The following DEAF1 variants were observed in gnomAD, a reference collection of about 807,000 sequenced individuals.
The protein encoded by DEAF1 is DEAF1 transcription factor.
A neutral mutation model predicts 58.9 loss-of-function variants in DEAF1; 53 were observed. The ratio of observed to expected loss-of-function variants is 0.90; its 90% confidence interval spans 0.72 to 1.13. The LOEUF is 1.13. Ranked by LOEUF, DEAF1 falls within the 50% of genes most tolerant of loss-of-function variation. The pLI, the probability that DEAF1 is intolerant of heterozygous loss-of-function variation, is 0.00. For synonymous variants in DEAF1, 385 were observed against 340.4 expected (o/e 1.13, Z -1.44); for missense variants, 685 against 791.4 (o/e 0.87, Z 1.61).
chr11:682,435 T>A (rs548047997), intron 6 of DEAF1, among the ~76,000 whole-genome samples: 9 of 152,338 alleles, frequency 5.9e-5, no homozygotes, highest in African/African-American at 2.2e-4. Flanking sequence ...ACTGCTGGCC[T>A]CCTCTTAACT....
rs571263392 is a variant in DEAF1, at chr11:647,123, A to C, written c.1594-2469T>G. Among the ~76,000 whole-genome samples, 14 of 152,282 alleles carry C rather than the reference A, an allele frequency of 9.2e-5. No homozygotes were observed. In the South Asian group the frequency reaches 2.9e-3, roughly 32 times the overall value. ...TAGTGAGCCGTGATGGCACCACTGG[A>C]CTGCAGCCTGGGTGACAAAGCGAGA... On this transcript the variant is annotated intron_variant, in intron 11 of 11. Coordinates refer to ENST00000382409, the MANE Select transcript of DEAF1 (RefSeq NM_021008.4).
chr11:704,159 C>G, intron 1 of DEAF1: 1 of 1,100,290 alleles, frequency 9.1e-7, no homozygotes, highest in South Asian at 2.0e-5. Flanking sequence ...CTCCCCCACC[C>G]CATCTCCAGT....
chr11:671,075 C>T (rs1211097663), intron 10 of DEAF1, among the ~76,000 whole-genome samples: 1 of 151,366 alleles, frequency 6.6e-6, no homozygotes, highest in Non-Finnish European at 1.5e-5. Flanking sequence ...ACTACAGGCG[C>T]CCGCCACCAC....
At chr11:698,764 A>T (rs1003071114), upstream of DEAF1, 1 of 1,363,318 alleles carries the variant, frequency 7.3e-7, no homozygotes, top group African/African-American at 1.4e-5. Flanking sequence ...CAAATACGAG[A>T]TCAAAGGAAA....
intron 1 of DEAF1, chr11:704,410 C>T: frequency 7.9e-7 from 1 of 1,271,572 alleles, no homozygotes; most frequent in Non-Finnish European, 1.0e-6. Flanking sequence ...TTGTCCTGGG[C>T]CGACTTCCTT....
chr11:652,913 G>A (rs1858844953), intron 11 of DEAF1, among the ~76,000 whole-genome samples: 2 of 151,276 alleles, frequency 1.3e-5, no homozygotes, highest in South Asian at 4.2e-4. Context: ...GTGAGACCCC[G>A]TCTCTACTAA....
At chr11:695,385 C>T (rs977577461), upstream of DEAF1, 66 of 418,858 alleles carry the variant, frequency 1.6e-4, no homozygotes, top group East Asian at 2.3e-3. Context: ...CGAGGGCTTC[C>T]GAGAGACTCG....
intron 9 of DEAF1, among the ~76,000 whole-genome samples, chr11:677,770 T>C (rs28703084): frequency 0.17 from 9,426 of 55,078 alleles, 2,921 homozygotes; most frequent in East Asian, 0.49. Context: ...CTGACCAGCA[T>C]GGTGAAACCC....
chr11:649,213 T>C (rs1206726877), intron 11 of DEAF1, among the ~76,000 whole-genome samples: 4 of 152,020 alleles, frequency 2.6e-5, no homozygotes, highest in Non-Finnish European at 5.9e-5. Flanking sequence ...ATTGCGCCAC[T>C]GCACTCTAGC....
At chr11:704,561 C>A (rs777490962) in intron 1 of DEAF1, 1 of 1,289,310 alleles carries the variant, frequency 7.8e-7, no homozygotes, top group South Asian at 1.2e-5. Context: ...GGCACACCTG[C>A]CATCTGGAGG....
Position 681,094 on chromosome 11 carries a change from G to T in DEAF1, c.871-5C>A. Reference sequence around the variant, plus strand: ...AAAAAGCCTGACTGGGCCACTCTGGGGGAGAAAGGAGAGAGGCCACCACCT... The same window carrying T: ...AAAAAGCCTGACTGGGCCACTCTGGTGGAGAAAGGAGAGAGGCCACCACCT... On this transcript the variant is annotated splice_polypyrimidine_tract_variant and splice_region_variant and intron_variant, in intron 6 of 11. Transcript: ENST00000382409. 6.2e-7 allele frequency: 1 copy of T among 1,613,950 alleles called. No individual in the cohort carries two copies. Among genetic ancestry groups the T allele is most frequent in the Non-Finnish European group, 8.5e-7 (1 of 1,180,024 alleles).
Position 684,919 on chromosome 11 carries a change from G to C in DEAF1, c.849C>G (p.Ala283=). The part of the protein sequence containing the change: ...NPHAASCTCA[A]CCDDMTLSGP... ...TTACTAAGGTCATGTCGTCGCAGCA[G>C]GCAGCACAGGTGCAAGAGGCAGCGT... Residue 283 remains alanine (A), a synonymous_variant, in exon 6 of 12, where the codon GCC becomes GCG. Coordinates refer to ENST00000382409, the MANE Select transcript of DEAF1 (RefSeq NM_021008.4). The C allele has an allele frequency of 6.4e-7, 1 of 1,551,564 alleles. No individual in the cohort carries two copies. Among genetic ancestry groups the C allele is most frequent in the Non-Finnish European group, 8.7e-7 (1 of 1,146,978 alleles).
At chr11:706,970 G>T (rs1861740212) in exon 1 of DEAF1, among the ~76,000 whole-genome samples, 1 of 152,090 alleles carries the variant, frequency 6.6e-6, no homozygotes, top group Non-Finnish European at 1.5e-5. Flanking sequence ...CAGCTGCCTG[G>T]CGTTGCCCCT....
chr11:704,702 C>T, intron 1 of DEAF1: 1 of 1,247,186 alleles, frequency 8.0e-7, no homozygotes. Flanking sequence ...TCACCTGTTC[C>T]ACAGGGAACG....
intron 11 of DEAF1, chr11:646,336 C>T (rs570688928): frequency 6.6e-6 from 1 of 151,530 alleles, no homozygotes; most frequent in Non-Finnish European, 1.5e-5. Context: ...CATCAGCAAA[C>T]TGCAGCATCG....
chr11:706,096 C>G (rs1017597409), intron 1 of DEAF1: 7 of 152,216 alleles, frequency 4.6e-5, no homozygotes, highest in African/African-American at 1.4e-4. Flanking sequence ...CCTCCTCCCC[C>G]GCGCGCCCGC....
At chr11:673,766 G>A (rs1304196281) in intron 10 of DEAF1, among the ~76,000 whole-genome samples, 2 of 152,116 alleles carry the variant, frequency 1.3e-5, no homozygotes, top group Non-Finnish European at 2.9e-5. Flanking sequence ...CGTGCCCTGT[G>A]ACACACGGTA....
chr11:645,319 T>G (rs1018283841), intron 11 of DEAF1, among the ~76,000 whole-genome samples: 8 of 151,716 alleles, frequency 5.3e-5, no homozygotes, highest in South Asian at 2.1e-4. Flanking sequence ...TCTGTGGGGG[T>G]TTTTTTGTTG....
intron 1 of DEAF1, chr11:704,454 G>A: frequency 7.8e-7 from 1 of 1,289,328 alleles, no homozygotes; most frequent in Non-Finnish European, 1.0e-6. Context: ...GCCACGGTGA[G>A]CTGCAGGACA....
Sources: gnomAD v4.1 joint callset for allele counts (sites outside exome capture counted in the v4.1 genomes callset) on GRCh38, gnomAD v4.1.1 for gene constraint, MANE v1.5 for transcripts, NCBI Gene and HGNC (gene_info 2026-07-23, HGNC 2026-07-21) for gene names.